The following MCAM variants were observed in gnomAD, a reference collection of about 807,000 sequenced individuals.
MCAM encodes cell surface glycoprotein MUC18.
Under a neutral mutation model 79.1 loss-of-function variants are expected in MCAM, and 55 were observed. The ratio of observed to expected loss-of-function variants is 0.70; its 90% confidence interval spans 0.56 to 0.87. The LOEUF (loss-of-function observed/expected upper bound fraction) is 0.87, where lower values mean the gene tolerates loss of function less well. Ranked by LOEUF, MCAM falls within the 40% of genes least tolerant of loss-of-function variation. The pLI is 0.00. For synonymous variants in MCAM, 330 were observed against 339.8 expected (o/e 0.97, Z 0.32); for missense variants, 745 against 839.8 (o/e 0.89, Z 1.40).
chr11:119,312,542 G>C lies in MCAM; in HGVS notation c.846C>G (p.Phe282Leu). ...CLADGNPPPH[F>L]SISKQNPSTR... ...GCCCCCACACCTGCTTGCTGATGCTGAAGTGTGGTGGAGGGTTGCCATCAG... is the reference window on the plus strand; with the variant it reads ...GCCCCCACACCTGCTTGCTGATGCTCAAGTGTGGTGGAGGGTTGCCATCAG... Residue 282 changes from phenylalanine (F) to leucine (L), a missense_variant, in exon 7 of 16, where the codon TTC becomes TTG. Transcript: ENST00000264036. This position sits in a 1 kb window ranked among gnomAD's most constrained non-coding sequence, Gnocchi z 4.9. The C allele has an allele frequency of 6.2e-7, 1 of 1,614,090 alleles. No individual in the cohort carries two copies. Among genetic ancestry groups the C allele is most frequent in the Non-Finnish European group, 8.5e-7 (1 of 1,180,018 alleles).
In MCAM at chr11:119,309,838, G is replaced by C. The variant is rs1397998792; in HGVS notation, c.*48C>G. The C allele has an allele frequency of 6.4e-7, 1 of 1,560,000 alleles. No homozygotes were observed. Among genetic ancestry groups the C allele is most frequent in the South Asian group, 1.2e-5 (1 of 86,058 alleles). ...CTTTGGCTGAGAGAAGAGTGAGCAG[G>C]GAGCTGGGAATGGTCCAGGCAGGGA... On this transcript the variant is annotated 3_prime_UTR_variant, in exon 16 of 16. Coordinates refer to ENST00000264036, the MANE Select transcript of MCAM (RefSeq NM_006500.3).
rs1950311511 is a variant in MCAM at position 119,316,438 on chromosome 11, A to T, written c.67+597T>A. ...GGCGCTTCCAGTATGGGAATCCTCC[A>T]TCCCTCATCTCTGTCCCCTATGATC... is the stretch of plus-strand genomic sequence containing the variant. On this transcript the variant is annotated intron_variant, in intron 1 of 15. Coordinates refer to ENST00000264036, the MANE Select transcript of MCAM (RefSeq NM_006500.3). The surrounding 1 kb of genome is among the most constrained non-coding windows in gnomAD (Gnocchi z 4.8). 6.6e-6 allele frequency: 1 copy of T among 152,244 alleles called. No individual in the cohort carries two copies. The highest frequency in any genetic ancestry group is 1.5e-5 in the Non-Finnish European group (1 of 68,114). 9.4% of individuals were successfully genotyped at this position (152,244 alleles called of 1,614,324 possible).
At position 119,312,672 on chromosome 11, in the gene MCAM, C is replaced by T. The variant is rs1379964069; in HGVS notation, c.740-24G>A. The T allele has an allele frequency of 1.2e-6, 2 of 1,613,922 alleles. No individual in the cohort carries two copies. Reference sequence around the variant, plus strand: ...GTCTGCATAGGCAAAGGGGGTAGCTCTTGGCCCATGAGTCAACCCTGGGCT... The same window carrying T: ...GTCTGCATAGGCAAAGGGGGTAGCTTTTGGCCCATGAGTCAACCCTGGGCT... On this transcript the variant is annotated intron_variant, in intron 6 of 15. Transcript: ENST00000264036. This position sits in a 1 kb window ranked among gnomAD's most constrained non-coding sequence, Gnocchi z 4.9.
At position 119,314,938 on chromosome 11, in the gene MCAM, C is replaced by A; in HGVS notation, c.295G>T (p.Ala99Ser). 6.2e-7 allele frequency: 1 copy of A among 1,612,946 alleles called. No homozygotes were observed. The highest frequency in any genetic ancestry group is 1.1e-5 in the South Asian group (1 of 91,088). The part of the protein sequence containing the change: ...EQRLSLQDRG[A>S]TLALTQVTPQ... ...GTGACTTGAGTCAGGGCCAGAGTAG[C>A]CCCTCTGTCCTGGAGGCTGAGCCGC... The change falls in exon 3 of 16, where the codon GCT (alanine) becomes TCT (serine). Residue 99 changes from alanine (A) to serine (S), a missense_variant. By Grantham distance (99) the Ala-to-Ser change is moderately conservative. Coordinates refer to ENST00000264036, the MANE Select transcript of MCAM (RefSeq NM_006500.3).
chr11:119,312,127 C>T lies in MCAM; in HGVS notation c.1068G>A (p.Gln356=), dbSNP rs747654193. ...VRVSPAAPER[Q]EGSSLTLTCE... ...AGGTCAGGGTGAGGCTGCTGCCTTCCTGTCTCTCAGGGGCTGCGGGACTCA... is the reference window on the plus strand; with the variant it reads ...AGGTCAGGGTGAGGCTGCTGCCTTCTTGTCTCTCAGGGGCTGCGGGACTCA... The change falls in exon 9 of 16, where the codon CAG becomes CAA. Residue 356 remains glutamine (Q), a synonymous_variant. Transcript: ENST00000264036. This position sits in a 1 kb window ranked among gnomAD's most constrained non-coding sequence, Gnocchi z 4.9. The T allele has an allele frequency of 1.9e-5, 30 of 1,613,546 alleles. No individual in the cohort carries two copies. The highest frequency in any genetic ancestry group is 2.5e-5 in the Non-Finnish European group (29 of 1,179,836).
intron 5 of MCAM, chr11:119,313,279 A>G: frequency 2.2e-6 from 3 of 1,356,642 alleles, no homozygotes; most frequent in Non-Finnish European, 9.7e-7. Flanking sequence ...CTTGGCAGTA[A>G]GCAAAACGAT....
Position 119,309,808 on chromosome 11 carries a change from G to T in MCAM, c.*78C>A. ...CAGGAGGCTTCTCTCTAGTCCCTTTGGAGGCTTTGGCTGAGAGAAGAGTGA... is the reference window on the plus strand; with the variant it reads ...CAGGAGGCTTCTCTCTAGTCCCTTTTGAGGCTTTGGCTGAGAGAAGAGTGA... On this transcript the variant is annotated 3_prime_UTR_variant, in exon 16 of 16. Transcript: ENST00000264036. 1 of 1,418,476 alleles carries T rather than the reference G, an allele frequency of 7.0e-7. No individual in the cohort carries two copies. The highest frequency in any genetic ancestry group is 9.8e-7 in the Non-Finnish European group (1 of 1,022,052). 87.9% of individuals were successfully genotyped at this position (1,418,476 alleles called of 1,614,324 possible). A position where few individuals can be genotyped will look rare whatever the true frequency, so the allele number is the denominator to read the frequency against.
In MCAM at chr11:119,315,297, T is replaced by A; in HGVS notation, c.68-34A>T. Reference sequence around the variant, plus strand: ...GGGAGGCGGGGCCCCCGCAGCTGTGTCAGCTCCGGCTGCTGTCCGCCCCTC... The same window carrying A: ...GGGAGGCGGGGCCCCCGCAGCTGTGACAGCTCCGGCTGCTGTCCGCCCCTC... On this transcript the variant is annotated intron_variant, in intron 1 of 15. Coordinates refer to ENST00000264036, the MANE Select transcript of MCAM (RefSeq NM_006500.3). This position sits in a 1 kb window ranked among gnomAD's most constrained non-coding sequence, Gnocchi z 4.4. 1 of 1,590,768 alleles carries A rather than the reference T, an allele frequency of 6.3e-7. No homozygotes were observed. Among genetic ancestry groups the A allele is most frequent in the Middle Eastern group, 2.2e-4 (1 of 4,564 alleles).
Position 119,310,890 on chromosome 11 carries a change from C to G in MCAM, c.1659G>C (p.Pro553=), listed in dbSNP as rs550922304. 2.5e-6 allele frequency: 4 copies of G among 1,614,052 alleles called. No individual in the cohort carries two copies. In the African/African-American group the frequency reaches 5.3e-5, roughly 22 times the overall value. ...ANSTSTERKL[P]EPESRGVVIV... ...TGACCACGCCCCGGCTCTCCGGCTCCGGCAGCTTTCTCTCTGCGCCACAAA... is the reference window on the plus strand; with the variant it reads ...TGACCACGCCCCGGCTCTCCGGCTCGGGCAGCTTTCTCTCTGCGCCACAAA... The change falls in exon 14 of 16, where the codon CCG becomes CCC. Residue 553 remains proline (P), a synonymous_variant. Coordinates refer to ENST00000264036, the MANE Select transcript of MCAM (RefSeq NM_006500.3).
At chr11:119,313,355 T>C (rs1754778788) in intron 5 of MCAM, 5 of 1,272,250 alleles carry the variant, frequency 3.9e-6, no homozygotes, top group Non-Finnish European at 5.1e-6. Flanking sequence ...ATGTATACCA[T>C]ACACCACCAC....
chr11:119,312,766 T>C lies in MCAM; in HGVS notation c.739+4A>G. 1 of 1,613,960 alleles carries C rather than the reference T, an allele frequency of 6.2e-7. No homozygotes were observed. Among genetic ancestry groups the C allele is most frequent in the South Asian group, 1.1e-5 (1 of 91,066 alleles). On this transcript the variant is annotated splice_donor_region_variant and intron_variant, in intron 6 of 15. Coordinates refer to ENST00000264036, the MANE Select transcript of MCAM (RefSeq NM_006500.3). This position sits in a 1 kb window ranked among gnomAD's most constrained non-coding sequence, Gnocchi z 4.9. ...AGTAAGCAGAGAGTCAGGTTAGTAC[T>C]CACAGAAAACAGGGACGGTGACTTC...
Position 119,311,214 on chromosome 11 carries a change from G to A in MCAM, c.1550-29C>T, listed in dbSNP as rs1273775800. On this transcript the variant is annotated intron_variant, in intron 12 of 15. Transcript: ENST00000264036. This position sits in a 1 kb window ranked among gnomAD's most constrained non-coding sequence, Gnocchi z 4.4. ...GGAGGCAGAGGGAGGGGTGTTAGGA[G>A]AAGCGCAAGTTACTGCCCGTGCCTG... The A allele has an allele frequency of 1.9e-6, 3 of 1,613,258 alleles. No individual in the cohort carries two copies. Among genetic ancestry groups the A allele is most frequent in the Non-Finnish European group, 2.5e-6 (3 of 1,179,380 alleles).
chr11:119,312,649 C>A lies in MCAM; in HGVS notation c.740-1G>T. ...TCCAGCCACACTTTTTCTGTCGGGT[C>A]TGCATAGGCAAAGGGGGTAGCTCTT... On this transcript the variant is annotated splice_acceptor_variant, in intron 6 of 15. Coordinates refer to ENST00000264036, the MANE Select transcript of MCAM (RefSeq NM_006500.3). LOFTEE classifies it high-confidence loss of function. The surrounding 1 kb of genome is among the most constrained non-coding windows in gnomAD (Gnocchi z 4.9). The A allele has an allele frequency of 6.2e-7, 1 of 1,614,152 alleles. No homozygotes were observed.
chr11:119,309,533 G>A lies in MCAM; in HGVS notation c.*353C>T, dbSNP rs995803724. On this transcript the variant is annotated 3_prime_UTR_variant, in exon 16 of 16. Coordinates refer to ENST00000264036, the MANE Select transcript of MCAM (RefSeq NM_006500.3). The stretch of plus-strand genomic sequence containing the variant: ...TTGGGGCAGGAAACCAGCTCAGAGA[G>A]GCTACCCAGCTCAGCTGCTGGCAGG... 99 of 320,262 alleles carry A rather than the reference G, an allele frequency of 3.1e-4. No homozygotes were observed. The highest frequency in any genetic ancestry group is 4.6e-4 in the Non-Finnish European group (78 of 170,538). The allele number at this position is 320,262 out of a possible 1,614,324, so 19.8% of individuals were successfully genotyped here.
Position 119,315,373 on chromosome 11 carries a change from G to A in MCAM, c.68-110C>T. On this transcript the variant is annotated intron_variant, in intron 1 of 15. Coordinates refer to ENST00000264036, the MANE Select transcript of MCAM (RefSeq NM_006500.3). The surrounding 1 kb of genome is among the most constrained non-coding windows in gnomAD (Gnocchi z 4.4). The stretch of plus-strand genomic sequence containing the variant: ...TTTCCTGCCACTCAGAGGGTCTGCA[G>A]AGGGCCCTGTCCTCTGAACGCTCTA... 1 of 1,392,218 alleles carries A rather than the reference G, an allele frequency of 7.2e-7. No homozygotes were observed. The highest frequency in any genetic ancestry group is 9.7e-7 in the Non-Finnish European group (1 of 1,033,156). 86.2% of individuals were successfully genotyped at this position (1,392,218 alleles called of 1,614,324 possible).
rs748724954 is a variant in MCAM at position 119,314,902 on chromosome 11, C to T, written c.331G>A (p.Glu111Lys). 4.3e-5 allele frequency: 69 copies of T among 1,613,280 alleles called. No homozygotes were observed. Among genetic ancestry groups the T allele is most frequent in the Non-Finnish European group, 5.5e-5 (65 of 1,180,042 alleles). ...LALTQVTPQD[E>K]RIFLCQGKRP... ...TTGCCCTGGCACAAGAAGATGCGCTCGTCTTGGGGGGTGACTTGAGTCAGG... is the reference window on the plus strand; with the variant it reads ...TTGCCCTGGCACAAGAAGATGCGCTTGTCTTGGGGGGTGACTTGAGTCAGG... The change falls in exon 3 of 16, where the codon GAG becomes AAG. Residue 111 changes from glutamate to lysine, a missense_variant. Physicochemically the swap from Glu to Lys is moderately conservative, Grantham distance 56 (BLOSUM62 1). Transcript: ENST00000264036.
chr11:119,309,886 C>A lies in MCAM; in HGVS notation c.1941G>T (p.Ter647TyrextTer49). Reference protein sequence around the residue: ...QGEKYIDLRH* With the variant: ...QGEKYIDLRHY ...GGAAGGGAGCTGAAGTGATTCGGGG[C>A]TAATGCCTCAGATCGATGTATTTCT... The change falls in exon 16 of 16, where the codon TAG (stop) becomes TAT (tyrosine). Residue 647 changes from the stop codon to tyrosine (Y), a stop_lost. Coordinates refer to ENST00000264036, the MANE Select transcript of MCAM (RefSeq NM_006500.3). The A allele has an allele frequency of 6.2e-7, 1 of 1,600,546 alleles. No individual in the cohort carries two copies. The highest frequency in any genetic ancestry group is 1.7e-5 in the Admixed American group (1 of 58,000).
rs368390583 is a variant in MCAM at position 119,311,998 on chromosome 11, C to T, written c.1144-49G>A. ...GGTCTGGGAAAGAGCACATTCTTGT[C>T]ACCGCCAGCCCCACCCACCCCATCA... is the stretch of plus-strand genomic sequence containing the variant. On this transcript the variant is annotated intron_variant, in intron 9 of 15. Transcript: ENST00000264036. The surrounding 1 kb of genome is among the most constrained non-coding windows in gnomAD (Gnocchi z 4.4). 78 of 1,608,884 alleles carry T rather than the reference C, an allele frequency of 4.8e-5. 1 individual carries two copies. The African/African-American group carries it at 7.3e-4, about 15-fold the overall frequency.
chr11:119,314,610 C>T (rs745633738), intron 4 of MCAM, 34 bp from the exon 5 acceptor site: 9 of 1,611,536 alleles, frequency 5.6e-6, no homozygotes, highest in East Asian at 4.5e-5. Flanking sequence ...TCCCTGCCTC[C>T]GAGCCCCCTT....
Sources: allele counts gnomAD v4.1 joint callset, GRCh38; gene constraint gnomAD v4.1.1; non-coding constraint Gnocchi (gnomAD v3.1); transcripts MANE v1.5; gene names NCBI Gene and HGNC (gene_info 2026-07-23, HGNC 2026-07-21).